The following NLRP13 variants were observed in gnomAD, a reference collection of about 807,000 sequenced individuals.
The protein encoded by NLRP13 is NACHT, LRR and PYD domains-containing protein 13.
In NLRP13, 82 loss-of-function variants were observed where a neutral mutation model predicts 94.4. The observed-to-expected ratio is 0.87, with a 90% CI of 0.73 to 1.04. The LOEUF is 1.04. Ranked by LOEUF, NLRP13 falls within the 50% of genes least tolerant of loss-of-function variation. NLRP13 has a pLI of 0.00. For synonymous variants in NLRP13, 553 were observed against 464.7 expected, an observed-to-expected ratio of 1.19 and a Z score of -2.45; for missense variants, 1,426 against 1,230.8, an observed-to-expected ratio of 1.16 and a Z score of -2.37.
chr19:55,904,713 T>C (rs2123112138), intron 8 of NLRP13, among the ~76,000 whole-genome samples: 1 of 152,316 alleles, frequency 6.6e-6, no homozygotes, highest in African/African-American at 2.4e-5. Context: ...AATTCATTAC[T>C]TCCTGGGGTC....
rs116718393 is a variant in NLRP13, at chr19:55,924,920, C to T, written c.388+47G>A. Reference sequence around the variant, plus strand: ...GCGGATGTGGACCAGTGAATGAGTGCTCCATCAAGCAACCTGTCCATTATC... The same window carrying T: ...GCGGATGTGGACCAGTGAATGAGTGTTCCATCAAGCAACCTGTCCATTATC... On this transcript the variant is annotated intron_variant, in intron 2 of 10. Coordinates refer to ENST00000342929, the MANE Select transcript of NLRP13 (RefSeq NM_176810.2). 1,084 of 1,469,132 alleles carry T rather than the reference C, an allele frequency of 7.4e-4. 12 individuals are homozygous for T. The African/African-American group carries it at 0.014, about 19-fold the overall frequency. 91.0% of individuals were successfully genotyped at this position (1,469,132 alleles called of 1,614,324 possible). A position where few individuals can be genotyped will look rare whatever the true frequency, so the allele number is the denominator to read the frequency against.
chr19:55,929,540 C>A (rs1427461954), intron 1 of NLRP13, among the ~76,000 whole-genome samples: 2 of 152,162 alleles, frequency 1.3e-5, no homozygotes, highest in Admixed American at 6.6e-5. Context: ...AAACCAAACA[C>A]CGCATGTTCT....
chr19:55,896,820 CAA>C (rs3073244), intron 10 of NLRP13, among the ~76,000 whole-genome samples: 388 of 80,860 alleles, frequency 4.8e-3, no homozygotes, highest in African/African-American at 0.014. Flanking sequence ...CTCCATCTCA[CAA>C]AAAAAAAAAA....
At chr19:55,919,267 C>T (rs1225338774) in intron 4 of NLRP13, among the ~76,000 whole-genome samples, 3 of 152,130 alleles carry the variant, frequency 2.0e-5, no homozygotes, top group Non-Finnish European at 4.4e-5. Context: ...CCACATTATA[C>T]TGAATGGGAA....
At chr19:55,896,662 A>G (rs1986020926) in intron 10 of NLRP13, among the ~76,000 whole-genome samples, 1 of 151,752 alleles carries the variant, frequency 6.6e-6, no homozygotes, top group Non-Finnish European at 1.5e-5. Flanking sequence ...ACTACAAAAA[A>G]TACAAAAATT....
intron 3 of NLRP13, 144 bp downstream of exon 3, chr19:55,924,446 T>G: frequency 4.6e-6 from 3 of 646,568 alleles, no homozygotes; most frequent in Non-Finnish European, 8.3e-6. Context: ...TAATAAGAAA[T>G]ACTGGAAGAA....
intron 4 of NLRP13, among the ~76,000 whole-genome samples, chr19:55,914,110 G>A (rs1986618984): frequency 1.3e-5 from 2 of 152,206 alleles, no homozygotes; most frequent in Admixed American, 6.5e-5. Flanking sequence ...TTGCCCTGAA[G>A]ATCAAGGCTT....
chr19:55,927,292 C>A (rs1986988809), intron 1 of NLRP13, among the ~76,000 whole-genome samples: 2 of 151,346 alleles, frequency 1.3e-5, no homozygotes, highest in Admixed American at 1.3e-4. Flanking sequence ...TCGCTTGAAC[C>A]CGGAGGCAGA....
Position 55,932,039 on chromosome 19 carries a change from T to C in NLRP13, c.273A>G (p.Thr91=). The C allele has an allele frequency of 6.2e-7, 1 of 1,614,028 alleles. No individual in the cohort carries two copies. Among genetic ancestry groups the C allele is most frequent in the African/African-American group, 1.3e-5 (1 of 75,036 alleles). Residue 91 remains threonine (T), a synonymous_variant, in exon 1 of 11, where the codon ACA becomes ACG. Coordinates refer to ENST00000342929, the MANE Select transcript of NLRP13 (RefSeq NM_176810.2). ...AWKVVLGIFQ[T]MNLTSLCEKV... ...TCTCACACAGTGAGGTCAGATTCAT[T>C]GTCTGGAAGATGCCGAGGACCACTT... is the stretch of plus-strand genomic sequence containing the variant.
chr19:55,916,345 C>T (rs944515019), intron 4 of NLRP13, among the ~76,000 whole-genome samples: 1 of 152,142 alleles, frequency 6.6e-6, no homozygotes, highest in Non-Finnish European at 1.5e-5. Context: ...AAGGATTGTA[C>T]TAACTCTCTA....
Position 55,911,854 on chromosome 19 carries a change from A to C in NLRP13, c.1963T>G (p.Leu655Val). ...AGGTCAACTTCAAAGATACGACCCAACATCTTCTTTGTGAAGTCTTCCTCC... is the reference window on the plus strand; with the variant it reads ...AGGTCAACTTCAAAGATACGACCCACCATCTTCTTTGTGAAGTCTTCCTCC... ...SQEEDFTKKM[L>V]GRIFEVDLNI... Residue 655 changes from leucine (L) to valine (V), a missense_variant, in exon 5 of 11, where the codon TTG becomes GTG. Leu to Val is a conservative substitution (Grantham distance 32). Coordinates refer to ENST00000342929, the MANE Select transcript of NLRP13 (RefSeq NM_176810.2). 1 of 1,614,208 alleles carries C rather than the reference A, an allele frequency of 6.2e-7. No homozygotes were observed. Among genetic ancestry groups the C allele is most frequent in the South Asian group, 1.1e-5 (1 of 91,084 alleles).
chr19:55,930,898 A>ATATGTATATATATATATGTATAT, intron 1 of NLRP13, among the ~76,000 whole-genome samples: 2 of 104,898 alleles, frequency 1.9e-5, no homozygotes, highest in African/African-American at 7.7e-5. Flanking sequence ...ATATATATAT[A>ATATGTATATATATATATGTATAT]AAATTTTAAC....
intron 10 of NLRP13, among the ~76,000 whole-genome samples, chr19:55,898,194 G>GTTTTTT (rs1209396021): frequency 1.7e-5 from 1 of 59,274 alleles, no homozygotes; most frequent in African/African-American, 8.0e-5. Context: ...TAGCAGGAGA[G>GTTTTTT]TTTTTGTTTT....
chr19:55,908,961 A>C (rs759980510), intron 6 of NLRP13, among the ~76,000 whole-genome samples: 1 of 152,234 alleles, frequency 6.6e-6, no homozygotes, highest in African/African-American at 2.4e-5. Flanking sequence ...CCTGCCTCTC[A>C]TGAGTTTGGT....
chr19:55,911,453 C>T (rs566616201), intron 5 of NLRP13, among the ~76,000 whole-genome samples: 4 of 152,276 alleles, frequency 2.6e-5, no homozygotes, highest in East Asian at 3.9e-4. Context: ...TAGCACAATG[C>T]CTGGTACTTA....
chr19:55,892,100 A>G (rs1985866848), downstream of NLRP13: 5 of 1,231,818 alleles, frequency 4.1e-6, no homozygotes, highest in Non-Finnish European at 5.1e-6. Flanking sequence ...CTCTCACTAC[A>G]TTGTGCAGGT....
intron 6 of NLRP13, among the ~76,000 whole-genome samples, chr19:55,910,185 A>T (rs1295832663): frequency 6.6e-6 from 1 of 152,140 alleles, no homozygotes; most frequent in Non-Finnish European, 1.5e-5. Context: ...TACCCATCAA[A>T]CACTACCTAC....
Position 55,901,780 on chromosome 19 carries a change from C to T in NLRP13, c.2789+255G>A, listed in dbSNP as rs867506568. 3.3e-5 allele frequency among the ~76,000 whole-genome samples: 5 copies of T among 152,194 alleles called. No individual in the cohort carries two copies. In the East Asian group the frequency reaches 9.7e-4, roughly 29 times the overall value. ...ACCCTGATGAAGTGTAGCATGAATA[C>T]GACTATGGGCTGGATCCCGAGTCCT... On this transcript the variant is annotated intron_variant, in intron 9 of 10. Coordinates refer to ENST00000342929, the MANE Select transcript of NLRP13 (RefSeq NM_176810.2).
intron 7 of NLRP13, 85 bp downstream of exon 7, chr19:55,907,707 G>C (rs1260043362): frequency 3.1e-6 from 4 of 1,280,464 alleles, no homozygotes; most frequent in South Asian, 1.2e-5. Flanking sequence ...ACAAGGCTGA[G>C]TGCTGTCAGC....
Sources: allele counts gnomAD v4.1 joint callset (sites outside exome capture counted in the v4.1 genomes callset), GRCh38; gene constraint gnomAD v4.1.1; transcripts MANE v1.5; gene names NCBI Gene and HGNC (gene_info 2026-07-23, HGNC 2026-07-21).